The following DACH1 variants were observed in gnomAD, a reference collection of about 807,000 sequenced individuals.
DACH1 encodes the protein dachshund family transcription factor 1, also known as dachshund homolog 1.
DACH1 carries 12 observed loss-of-function variants against 54.2 expected under a neutral mutation model. That is an observed-to-expected ratio of 0.22 (90% confidence interval 0.14 to 0.36). DACH1 has a LOEUF of 0.36. Ranked by LOEUF, DACH1 falls within the 10% of genes least tolerant of loss-of-function variation. DACH1 has a pLI of 1.00. For synonymous variants in DACH1, 386 were observed against 366.2 expected (o/e 1.05, Z -0.62); for missense variants, 805 against 929.8 (o/e 0.87, Z 1.75).
chr13:71,744,335 T>C (rs916001840), intron 1 of DACH1, among the ~76,000 whole-genome samples: 1 of 152,206 alleles, frequency 6.6e-6, no homozygotes, highest in African/African-American at 2.4e-5. Flanking sequence ...ATCTTCTGCA[T>C]TGGTTAGCTT....
At chr13:71,769,812 T>A (rs1243873888) in intron 1 of DACH1, among the ~76,000 whole-genome samples, 1 of 151,624 alleles carries the variant, frequency 6.6e-6, no homozygotes, top group African/African-American at 2.4e-5. Context: ...TTGGTTGAAA[T>A]TAGTAATATG....
intron 1 of DACH1, among the ~76,000 whole-genome samples, chr13:71,800,205 T>G (rs1421491248): frequency 6.6e-6 from 1 of 152,064 alleles, no homozygotes; most frequent in African/African-American, 2.4e-5. Context: ...TGTGATTATA[T>G]ACAAATTTAA....
intron 1 of DACH1, among the ~76,000 whole-genome samples, chr13:71,855,793 T>G (rs1251073013): frequency 2.0e-5 from 3 of 151,878 alleles, no homozygotes; most frequent in Non-Finnish European, 4.4e-5. Flanking sequence ...TTAAATATAT[T>G]CCTAGAAAAA....
At chr13:71,573,676 G>T (rs1885363125) in intron 3 of DACH1, 1 of 447,388 alleles carries the variant, frequency 2.2e-6, no homozygotes, top group Non-Finnish European at 4.0e-6. Flanking sequence ...ATTTGGAGTT[G>T]GAAAACTGAT....
intron 3 of DACH1, among the ~76,000 whole-genome samples, chr13:71,619,778 T>C (rs928439738): frequency 2.0e-5 from 3 of 151,922 alleles, no homozygotes; most frequent in African/African-American, 7.2e-5. Context: ...AGTTATGTAA[T>C]TGCTAAGGTC....
chr13:71,496,786 C>A (rs1448279839), intron 6 of DACH1, among the ~76,000 whole-genome samples: 1 of 152,120 alleles, frequency 6.6e-6, no homozygotes. Flanking sequence ...ATAAGGAATT[C>A]TGAAATATCA....
chr13:71,617,859 A>G (rs537822798), intron 3 of DACH1, among the ~76,000 whole-genome samples: 98 of 152,246 alleles, frequency 6.4e-4, no homozygotes, highest in African/African-American at 2.2e-3. Flanking sequence ...CTGACAAACA[A>G]CTAGTCAACA....
intron 1 of DACH1, among the ~76,000 whole-genome samples, chr13:71,851,312 C>T (rs1873645163): frequency 6.6e-6 from 1 of 152,166 alleles, no homozygotes. Flanking sequence ...ACAGTTAAAA[C>T]TCCATGTTTA....
rs559774087 is a variant in DACH1 at position 71,708,138 on chromosome 13, A to C, written c.849-26228T>G. Among the ~76,000 whole-genome samples, 308 of 152,094 alleles carry C rather than the reference A, an allele frequency of 2.0e-3. 1 individual carries two copies. Among genetic ancestry groups the C allele is most frequent in the Middle Eastern group, 0.014 (4 of 294 alleles). On this transcript the variant is annotated intron_variant, in intron 1 of 10. Transcript: ENST00000613252. ...AAAATGAAAAAAAAAAAAAGTAAAA[A>C]CAAAATAAAAACCCTGATTAAGGGT...
rs368589999 is a variant in DACH1 at position 71,438,401 on chromosome 13, G to GA, written c.*2253dup. ...AACCAACCTGTATAACTAAAACAGG[G>GA]AAAAAATTAAGTTACAGACTTACAA... On this transcript the variant is annotated 3_prime_UTR_variant, in exon 11 of 11. Transcript: ENST00000613252. 4 of 152,226 alleles carry GA rather than the reference G, an allele frequency of 2.6e-5. No individual in the cohort carries two copies. The highest frequency in any genetic ancestry group is 9.7e-5 in the African/African-American group (4 of 41,358). The allele number at this position is 152,226 out of a possible 1,614,324, so 9.4% of individuals were successfully genotyped here. A position where few individuals can be genotyped will look rare whatever the true frequency, so the allele number is the denominator to read the frequency against.
At position 71,489,174 on chromosome 13, in the gene DACH1, A is replaced by G. The variant is rs527268882; in HGVS notation, c.1571-26T>C. 4.4e-5 allele frequency: 70 copies of G among 1,603,922 alleles called. No homozygotes were observed. The South Asian group carries it at 4.5e-4, about 10-fold the overall frequency. ...CTGCATGTGATTGAAACAAAAATATAGAACAAGTTACGCTTGTCTGTTTTT... is the reference window on the plus strand; with the variant it reads ...CTGCATGTGATTGAAACAAAAATATGGAACAAGTTACGCTTGTCTGTTTTT... On this transcript the variant is annotated intron_variant, in intron 6 of 10. Transcript: ENST00000613252.
chr13:71,472,091 T>C (rs1359215075), intron 10 of DACH1, among the ~76,000 whole-genome samples: 2 of 152,172 alleles, frequency 1.3e-5, no homozygotes, highest in African/African-American at 4.8e-5. Context: ...ACATAAGGCA[T>C]AAGAGAGTTA....
Position 71,690,670 on chromosome 13 carries a change from G to A in DACH1, c.849-8760C>T, listed in dbSNP as rs139824517. On this transcript the variant is annotated intron_variant, in intron 1 of 10. Coordinates refer to ENST00000613252, the MANE Select transcript of DACH1 (RefSeq NM_080759.6). ...TCCAAGCCCAGGTGCGGTGGCTCACGCCTATAATCTCAGCACTTTGGGAAG... is the reference window on the plus strand; with the variant it reads ...TCCAAGCCCAGGTGCGGTGGCTCACACCTATAATCTCAGCACTTTGGGAAG... Among the ~76,000 whole-genome samples the A allele has an allele frequency of 3.7e-4, 56 of 152,230 alleles. 1 individual carries two copies. The East Asian group carries it at 0.01, about 28-fold the overall frequency.
intron 3 of DACH1, among the ~76,000 whole-genome samples, chr13:71,609,853 T>C (rs1875180007): frequency 6.6e-6 from 1 of 152,056 alleles, no homozygotes; most frequent in South Asian, 2.1e-4. Flanking sequence ...TCTTGATAAA[T>C]ATAAAAAATT....
intron 2 of DACH1, among the ~76,000 whole-genome samples, chr13:71,660,536 A>G (rs1258895607): frequency 1.3e-5 from 2 of 152,074 alleles, no homozygotes; most frequent in Admixed American, 6.6e-5. Flanking sequence ...TATTGGGACG[A>G]GCAGAGGCAT....
intron 10 of DACH1, among the ~76,000 whole-genome samples, chr13:71,461,977 A>G (rs1876114655): frequency 1.3e-5 from 2 of 151,984 alleles, no homozygotes; most frequent in South Asian, 4.1e-4. Flanking sequence ...AAAGTTAAAC[A>G]TAGCACACCT....
intron 6 of DACH1, among the ~76,000 whole-genome samples, chr13:71,551,809 G>T (rs1047690179): frequency 2.0e-5 from 3 of 152,038 alleles, no homozygotes; most frequent in Non-Finnish European, 2.9e-5. Flanking sequence ...GAGACAAAAA[G>T]CCAAATATGG....
At chr13:71,691,064 T>A (rs1023259545) in intron 1 of DACH1, among the ~76,000 whole-genome samples, 2 of 152,250 alleles carry the variant, frequency 1.3e-5, no homozygotes, top group African/African-American at 4.8e-5. Flanking sequence ...TATATTTTGT[T>A]TGAGCCAAAA....
At chr13:71,447,824 A>C (rs947527758) in intron 10 of DACH1, among the ~76,000 whole-genome samples, 1 of 152,046 alleles carries the variant, frequency 6.6e-6, no homozygotes, top group African/African-American at 2.4e-5. Context: ...AAAAAAAAAA[A>C]AACCCACTCA....
Sources: gnomAD v4.1 joint callset for allele counts (sites outside exome capture counted in the v4.1 genomes callset) on GRCh38, gnomAD v4.1.1 for gene constraint, MANE v1.5 for transcripts, NCBI Gene and HGNC (gene_info 2026-07-23, HGNC 2026-07-21) for gene names.